The following CLDN16 variants were observed in gnomAD, a reference collection of about 807,000 sequenced individuals.
CLDN16 encodes the protein claudin 16.
In CLDN16, 13 loss-of-function variants were observed where a neutral mutation model predicts 24.6. The ratio of observed to expected loss-of-function variants is 0.53; its 90% CI spans 0.34 to 0.84. The LOEUF (loss-of-function observed/expected upper bound fraction) is 0.84, where lower values mean the gene tolerates loss of function less well. Among genes scored for constraint, CLDN16 ranks in the 40% least tolerant of loss-of-function variants. The probability of loss-of-function intolerance (pLI) is 0.01; values close to 1 mark genes in which losing one functional copy is unlikely to be tolerated. For missense variants in CLDN16, 298 were observed against 292.7 expected (o/e 1.02, Z -0.13); for synonymous variants, 116 against 106.7 (o/e 1.09, Z -0.54).
At chr3:190,338,537 G>T (rs1231193304) in intron 1 of CLDN16, among the ~76,000 whole-genome samples, 2 of 152,268 alleles carry the variant, frequency 1.3e-5, no homozygotes, top group African/African-American at 4.8e-5. Flanking sequence ...CAAGTGCGTG[G>T]TAACTAGGGA....
chr3:190,346,000 T>G (rs1577403629), intron 1 of CLDN16, among the ~76,000 whole-genome samples: 1 of 152,088 alleles, frequency 6.6e-6, no homozygotes, highest in Non-Finnish European at 1.5e-5. Flanking sequence ...AACCAGTCCT[T>G]TTAGGTCTTA....
At chr3:190,356,800 G>T (rs1271778818) in intron 1 of CLDN16, among the ~76,000 whole-genome samples, 2 of 151,818 alleles carry the variant, frequency 1.3e-5, no homozygotes, top group African/African-American at 4.8e-5. Flanking sequence ...ATATAATTTT[G>T]AAACATAATG....
intron 4 of CLDN16, among the ~76,000 whole-genome samples, chr3:190,409,549 T>C (rs890402705): frequency 3.3e-5 from 5 of 152,094 alleles, no homozygotes; most frequent in African/African-American, 1.2e-4. Context: ...ACTAAATGTA[T>C]ATTTAGTGTT....
the CLDN16 span, chr3:190,308,589 A>G: frequency 6.6e-6 from 5 of 760,424 alleles, no homozygotes; most frequent in Non-Finnish European, 1.1e-5. Flanking sequence ...AGATTTCTGA[A>G]CATACACGCC....
upstream of CLDN16, chr3:190,322,318 A>G (rs1716950200): frequency 1.3e-5 from 13 of 979,280 alleles, no homozygotes; most frequent in Admixed American, 2.0e-5. Flanking sequence ...GAGGAAGTTA[A>G]GGCGGGGAGC....
intron 1 of CLDN16, among the ~76,000 whole-genome samples, chr3:190,349,291 G>C (rs147277751): frequency 6.6e-6 from 1 of 152,082 alleles, no homozygotes; most frequent in Non-Finnish European, 1.5e-5. Flanking sequence ...TTGTTTAAAC[G>C]TGTGTAGAGC....
chr3:190,377,901 C>A (rs917104615), intron 3 of CLDN16, among the ~76,000 whole-genome samples: 2 of 151,954 alleles, frequency 1.3e-5, no homozygotes, highest in Non-Finnish European at 2.9e-5. Flanking sequence ...AATTCCTGAA[C>A]AAGAGTATCT....
intron 3 of CLDN16, among the ~76,000 whole-genome samples, chr3:190,382,178 A>C (rs1718384451): frequency 6.6e-6 from 1 of 152,084 alleles, no homozygotes; most frequent in Non-Finnish European, 1.5e-5. Flanking sequence ...TTGCCTACTA[A>C]CTCAAAGGGA....
At chr3:190,409,186 A>ATATGCATGTATATATG (rs1719197156) in intron 4 of CLDN16, among the ~76,000 whole-genome samples, 1 of 99,520 alleles carries the variant, frequency 1.0e-5, no homozygotes, top group Non-Finnish European at 2.3e-5. Flanking sequence ...ATGTATATAT[A>ATATGCATGTATATATG]CACACACGTA....
At chr3:190,364,797 T>C (rs1191201399) in intron 1 of CLDN16, among the ~76,000 whole-genome samples, 1 of 151,764 alleles carries the variant, frequency 6.6e-6, no homozygotes, top group African/African-American at 2.4e-5. Context: ...ATGTGGAATA[T>C]GCTGTCTCAA....
chr3:190,306,843 G>A, the CLDN16 span: 8,473 of 152,632 alleles, frequency 0.056, 812 homozygotes, highest in African/African-American at 0.19. Flanking sequence ...GAAGGTATGT[G>A]CGTAGGTTTT....
At chr3:190,310,261 A>T in the CLDN16 span, 1 of 1,609,094 alleles carries the variant, frequency 6.2e-7, no homozygotes, top group Non-Finnish European at 8.5e-7. Context: ...GACCTATAGA[A>T]ATTCAAAACA....
chr3:190,404,835 C>G lies in CLDN16; in HGVS notation c.291C>G (p.Leu97=). ...CTGGGTTTGGATTTCTCACCCTGCTCCTTGGTCTTGACTGCGTGAAATTCC... is the reference window on the plus strand; with the variant it reads ...CTGGGTTTGGATTTCTCACCCTGCTGCTTGGTCTTGACTGCGTGAAATTCC... The part of the protein sequence containing the change: ...ILAGFGFLTL[L]LGLDCVKFLP... Residue 97 remains leucine (L), a synonymous_variant, in exon 3 of 5, where the codon CTC becomes CTG. Coordinates refer to ENST00000264734, the MANE Select transcript of CLDN16 (RefSeq NM_006580.4). 1 of 1,614,114 alleles carries G rather than the reference C, an allele frequency of 6.2e-7. No individual in the cohort carries two copies. Among genetic ancestry groups the G allele is most frequent in the Non-Finnish European group, 8.5e-7 (1 of 1,180,008 alleles).
At chr3:190,328,961 G>A (rs1224090676) in intron 1 of CLDN16, among the ~76,000 whole-genome samples, 1 of 152,034 alleles carries the variant, frequency 6.6e-6, no homozygotes. Flanking sequence ...ACTTCTCTGG[G>A]CCCTGTAGGC....
At chr3:190,396,249 T>G (rs1718815076) in intron 1 of CLDN16, among the ~76,000 whole-genome samples, 2 of 152,164 alleles carry the variant, frequency 1.3e-5, no homozygotes, top group African/African-American at 4.8e-5. Flanking sequence ...ATCCTACTCA[T>G]TTTTAGTACT....
chr3:190,322,149 C>G (rs1197576007), upstream of CLDN16: 1 of 1,614,194 alleles, frequency 6.2e-7, no homozygotes, highest in East Asian at 2.2e-5. Context: ...ACGATGGCGC[C>G]GATCCATCCC....
upstream of CLDN16, among the ~76,000 whole-genome samples, chr3:190,320,705 C>A (rs1272090867): frequency 6.6e-6 from 1 of 152,108 alleles, no homozygotes; most frequent in Non-Finnish European, 1.5e-5. Context: ...AGGAGGTAGA[C>A]AAAACAAGTT....
At chr3:190,389,714 T>A (rs1212376634) in intron 1 of CLDN16, among the ~76,000 whole-genome samples, 6 of 152,186 alleles carry the variant, frequency 3.9e-5, no homozygotes, top group African/African-American at 1.4e-4. Flanking sequence ...ATGCAAAGAA[T>A]GAAATAAATG....
chr3:190,291,052 C>T, the CLDN16 span, among the ~76,000 whole-genome samples: 1 of 152,070 alleles, frequency 6.6e-6, no homozygotes, highest in Non-Finnish European at 1.5e-5. Context: ...GATGAGGTGA[C>T]ATTTGAGCAT....
Sources: gnomAD v4.1 joint callset for allele counts (sites outside exome capture counted in the v4.1 genomes callset) on GRCh38, gnomAD v4.1.1 for gene constraint, MANE v1.5 for transcripts, NCBI Gene and HGNC (gene_info 2026-07-23, HGNC 2026-07-21) for gene names.